DENND4C: variants seen among roughly 807,000 people sequenced by gnomAD.
DENND4C encodes the protein DENN domain-containing protein 4C.
DENND4C carries 108 observed loss-of-function variants against 203.0 expected under a neutral mutation model. The ratio of observed to expected loss-of-function variants is 0.53; its 90% confidence interval spans 0.46 to 0.62. DENND4C has a LOEUF of 0.62. Among genes scored for constraint, DENND4C ranks in the 20% least tolerant of loss-of-function variants. The pLI is 0.00. For synonymous variants in DENND4C, 871 were observed against 792.4 expected (o/e 1.10, Z -1.67); for missense variants, 2,481 against 2,301.2 (o/e 1.08, Z -1.60).
At chr9:19,334,023 T>C (rs978671032) in intron 17 of DENND4C, among the ~76,000 whole-genome samples, 1 of 152,054 alleles carries the variant, frequency 6.6e-6, no homozygotes. Context: ...ACTTCAATTA[T>C]ACTTGATTTT....
chr9:19,253,938 C>G (rs1827274868), intron 1 of DENND4C, among the ~76,000 whole-genome samples: 1 of 152,044 alleles, frequency 6.6e-6, no homozygotes. Flanking sequence ...CCCAGAAGTT[C>G]AGAACCAGCC....
intron 1 of DENND4C, among the ~76,000 whole-genome samples, chr9:19,251,337 A>T (rs902806851): frequency 2.0e-5 from 3 of 152,208 alleles, no homozygotes; most frequent in African/African-American, 7.2e-5. Context: ...CCAAGTCCCT[A>T]GGCTGCACAC....
chr9:19,238,826 T>C (rs1822956819), intron 1 of DENND4C, among the ~76,000 whole-genome samples: 1 of 150,262 alleles, frequency 6.7e-6, no homozygotes, highest in Non-Finnish European at 1.5e-5. Context: ...TCTAATTTTA[T>C]ATTTTTAGTG....
intron 29 of DENND4C, among the ~76,000 whole-genome samples, 188 bp from the exon 30 acceptor site, chr9:19,361,658 A>C (rs1368154171): frequency 1.3e-5 from 2 of 152,338 alleles, no homozygotes; most frequent in South Asian, 4.1e-4. Context: ...AGTCACACTG[A>C]GAAACCTTGA....
Position 19,372,328 on chromosome 9 carries a change from T to C in DENND4C, c.*155T>C. 1.1e-6 allele frequency: 1 copy of C among 906,596 alleles called. No individual in the cohort carries two copies. 56.2% of individuals were successfully genotyped at this position (906,596 alleles called of 1,614,324 possible). On this transcript the variant is annotated 3_prime_UTR_variant, in exon 33 of 33. Coordinates refer to ENST00000434457, the MANE Select transcript of DENND4C (RefSeq NM_001330640.2). ...ATAATGAATTATGATTCATATTGCA[T>C]TACCTTGAAATATGAAGTGCCATTT...
chr9:19,308,475 G>T (rs1304569847), intron 10 of DENND4C, among the ~76,000 whole-genome samples: 1 of 152,042 alleles, frequency 6.6e-6, no homozygotes, highest in Admixed American at 6.6e-5. Context: ...CCTGTGAATT[G>T]GATGTTCCTT....
intron 30 of DENND4C, among the ~76,000 whole-genome samples, chr9:19,367,884 G>A (rs1457964529): frequency 1.3e-5 from 2 of 152,234 alleles, no homozygotes; most frequent in African/African-American, 2.4e-5. Flanking sequence ...AGAGAAACCA[G>A]TTGTGAAGGA....
At chr9:19,341,397 A>G (rs1460508468) in intron 21 of DENND4C, among the ~76,000 whole-genome samples, 1 of 144,392 alleles carries the variant, frequency 6.9e-6, no homozygotes, top group Non-Finnish European at 1.5e-5. Flanking sequence ...CTGCAGCCCT[A>G]TCTCCTGGCC....
intron 12 of DENND4C, among the ~76,000 whole-genome samples, chr9:19,322,563 C>T (rs181880152): frequency 3.9e-5 from 6 of 151,924 alleles, no homozygotes; most frequent in Middle Eastern, 3.4e-3. Context: ...AGATGGAGAC[C>T]ATCCTGGCTA....
rs144379762 is a variant in DENND4C at position 19,338,847 on chromosome 9, G to A, written c.2881+2015G>A. Among the ~76,000 whole-genome samples, 406 of 152,304 alleles carry A rather than the reference G, an allele frequency of 2.7e-3. 2 individuals carry two copies. Among genetic ancestry groups the A allele is most frequent in the South Asian group, 0.019 (92 of 4,826 alleles). Reference sequence around the variant, plus strand: ...TCTTTTGTTGTATGGCAAACCCAGAGTCTGAGTGGCAGTGTAATAAGTGAT... The same window carrying A: ...TCTTTTGTTGTATGGCAAACCCAGAATCTGAGTGGCAGTGTAATAAGTGAT... On this transcript the variant is annotated intron_variant, in intron 20 of 32. Transcript: ENST00000434457.
At chr9:19,258,014 A>G (rs903966679) in intron 1 of DENND4C, among the ~76,000 whole-genome samples, 3 of 152,022 alleles carry the variant, frequency 2.0e-5, no homozygotes, top group African/African-American at 4.8e-5. Context: ...GCTACTTGAG[A>G]TGCTGAGGTG....
At position 19,296,055 on chromosome 9, in the gene DENND4C, T is replaced by C. The variant is rs2131258255; in HGVS notation, c.849T>C (p.Leu283=). The C allele has an allele frequency of 6.2e-7, 1 of 1,614,110 alleles. No homozygotes were observed. The highest frequency in any genetic ancestry group is 2.2e-5 in the East Asian group (1 of 44,872). ...IQFYEPYSRE[L]LSEKQLMHLG... ...TTTATGAACCTTACTCTCGGGAACTTCTATCAGAGAAACAGCTTATGCACC... is the reference window on the plus strand; with the variant it reads ...TTTATGAACCTTACTCTCGGGAACTCCTATCAGAGAAACAGCTTATGCACC... The change falls in exon 6 of 33, where the codon CTT becomes CTC. Residue 283 remains leucine (L), a synonymous_variant. Coordinates refer to ENST00000434457, the MANE Select transcript of DENND4C (RefSeq NM_001330640.2).
rs1282170711 is a variant in DENND4C at position 19,279,274 on chromosome 9, A to G, written c.305+2795A>G. On this transcript the variant is annotated intron_variant, in intron 2 of 32. Coordinates refer to ENST00000434457, the MANE Select transcript of DENND4C (RefSeq NM_001330640.2). ...AACCCGGGAGGCGGAGGTTGCAGTG[A>G]ACCAAGATCACACCACTGCACTCCA... 2.4e-5 allele frequency among the ~76,000 whole-genome samples: 2 copies of G among 82,174 alleles called. 1 individual carries two copies. The allele number at this position is 82,174 out of a possible 152,430, so 53.9% of individuals were successfully genotyped here.
chr9:19,306,743 T>TTTTA (rs1554630248), intron 10 of DENND4C, among the ~76,000 whole-genome samples: 78 of 143,986 alleles, frequency 5.4e-4, no homozygotes, highest in African/African-American at 1.9e-3. Context: ...GTTTGCACAA[T>TTTTA]TGTATTTATT....
intron 4 of DENND4C, 100 bp downstream of exon 4, chr9:19,288,765 G>C (rs897038669): frequency 1.8e-6 from 1 of 553,374 alleles, no homozygotes; most frequent in African/African-American, 1.9e-5. Context: ...ATAGTTTGTA[G>C]AATTGATCTA....
At chr9:19,283,258 C>T (rs1220290970) in intron 2 of DENND4C, among the ~76,000 whole-genome samples, 1 of 152,072 alleles carries the variant, frequency 6.6e-6, no homozygotes, top group African/African-American at 2.4e-5. Context: ...ATCACTATCT[C>T]TGCCTTCCAT....
chr9:19,321,783 G>A (rs1312854225), intron 12 of DENND4C, among the ~76,000 whole-genome samples: 1 of 142,246 alleles, frequency 7.0e-6, no homozygotes, highest in African/African-American at 2.6e-5. Context: ...AGTGAGCCGA[G>A]ATCACGCCAC....
chr9:19,352,975 G>C (rs1490697943), intron 26 of DENND4C, among the ~76,000 whole-genome samples: 1 of 151,244 alleles, frequency 6.6e-6, no homozygotes, highest in East Asian at 2.0e-4. Flanking sequence ...CTCTACAAAA[G>C]ATTTTTTAAA....
intron 12 of DENND4C, among the ~76,000 whole-genome samples, chr9:19,323,425 G>A (rs1843219363): frequency 7.3e-6 from 1 of 137,652 alleles, no homozygotes; most frequent in Non-Finnish European, 1.5e-5. Flanking sequence ...GCTAGACTCT[G>A]TCTGGAAAAA....
Sources: gnomAD v4.1 joint callset for allele counts (sites outside exome capture counted in the v4.1 genomes callset) on GRCh38, gnomAD v4.1.1 for gene constraint, MANE v1.5 for transcripts, NCBI Gene and HGNC (gene_info 2026-07-23, HGNC 2026-07-21) for gene names.